ACSM1: variants seen among roughly 807,000 people sequenced by gnomAD.
ACSM1 encodes acyl-coenzyme A synthetase ACSM1, mitochondrial.
Under a neutral mutation model 75.8 loss-of-function variants are expected in ACSM1, and 79 were observed. The ratio of observed to expected loss-of-function variants is 1.04; its 90% CI spans 0.87 to 1.26. The LOEUF (loss-of-function observed/expected upper bound fraction) is 1.26, where lower values mean the gene tolerates loss of function less well. Ranked by LOEUF, ACSM1 falls within the 50% of genes most tolerant of loss-of-function variation. The probability of loss-of-function intolerance (pLI) is 0.00; values close to 1 mark genes in which losing one functional copy is unlikely to be tolerated. For missense variants in ACSM1, 676 were observed against 720.1 expected (o/e 0.94, Z 0.70); for synonymous variants, 279 against 265.8 (o/e 1.05, Z -0.48).
chr16:20,654,673 G>A (rs1386377700), intron 7 of ACSM1, among the ~76,000 whole-genome samples: 1 of 152,190 alleles, frequency 6.6e-6, no homozygotes, highest in Non-Finnish European at 1.5e-5. Flanking sequence ...CTGGCCATCA[G>A]AGAACTGCAA....
chr16:20,686,762 C>A, intron 2 of ACSM1, among the ~76,000 whole-genome samples: 1 of 151,778 alleles, frequency 6.6e-6, no homozygotes, highest in African/African-American at 2.4e-5. Flanking sequence ...AGTGATTGTG[C>A]CACTGCATTC....
intron 4 of ACSM1, among the ~76,000 whole-genome samples, chr16:20,673,003 A>C (rs997242746): frequency 1.3e-4 from 18 of 143,486 alleles, no homozygotes; most frequent in Admixed American, 9.9e-4. Flanking sequence ...AATATATAAA[A>C]TATATACTTA....
At chr16:20,654,278 AC>A (rs1432837336) in intron 7 of ACSM1, among the ~76,000 whole-genome samples, 1 of 152,208 alleles carries the variant, frequency 6.6e-6, no homozygotes, top group Non-Finnish European at 1.5e-5. Context: ...GAAATGTTAG[AC>A]CTAAAACCAT....
intron 4 of ACSM1, 183 bp downstream of exon 4, chr16:20,682,073 A>G (rs1308953464): frequency 1.7e-6 from 1 of 581,984 alleles, no homozygotes; most frequent in East Asian, 3.0e-5. Flanking sequence ...CTCTCACCCC[A>G]TGAAATGCTT....
intron 6 of ACSM1, 105 bp from the exon 7 acceptor site, chr16:20,661,978 G>T (rs1043367881): frequency 1.7e-4 from 110 of 644,524 alleles, no homozygotes; most frequent in African/African-American, 1.6e-3. Flanking sequence ...GAGCCCATTT[G>T]TTAATTTCTT....
At chr16:20,647,559 A>G (rs971993916) in intron 7 of ACSM1, among the ~76,000 whole-genome samples, 6 of 152,218 alleles carry the variant, frequency 3.9e-5, no homozygotes, top group Non-Finnish European at 8.8e-5. Flanking sequence ...GAGTGACTCC[A>G]GTTTGAATAA....
intron 7 of ACSM1, among the ~76,000 whole-genome samples, chr16:20,651,446 C>T (rs1453778111): frequency 6.6e-6 from 1 of 151,742 alleles, no homozygotes; most frequent in Non-Finnish European, 1.5e-5. Context: ...TTGGTCAACA[C>T]AGTGAATCCC....
chr16:20,691,032 T>A lies in ACSM1; in HGVS notation c.157A>T (p.Ser53Cys). The change falls in exon 2 of 14, where the codon AGT becomes TGT. Residue 53 changes from serine to cysteine, a missense_variant. Ser to Cys is a moderately radical substitution (Grantham distance 112). Transcript: ENST00000520010. The part of the protein sequence containing the change: ...YEVPEEFNFA[S>C]YVLDYWAQKE... ...TGAGCCCAGTAGTCCAGTACATAAC[T>A]TGCAAAGTTAAATTCCTCCGGTACT... 1.2e-6 allele frequency: 2 copies of A among 1,613,698 alleles called. No homozygotes were observed. The highest frequency in any genetic ancestry group is 1.7e-6 in the Non-Finnish European group (2 of 1,179,828).
intron 4 of ACSM1, chr16:20,679,751 C>A (rs2079399219): frequency 6.6e-6 from 1 of 152,170 alleles, no homozygotes; most frequent in South Asian, 2.1e-4. Context: ...TACAACCAGA[C>A]CACCTATTCG....
At chr16:20,671,455 A>T in intron 5 of ACSM1, 76 bp downstream of exon 5, 4 of 1,317,368 alleles carry the variant, frequency 3.0e-6, no homozygotes, top group Non-Finnish European at 4.1e-6. Flanking sequence ...ACACACACAC[A>T]CACACACACA....
Position 20,682,391 on chromosome 16 carries a change from G to A in ACSM1, c.476C>T (p.Ala159Val). 1.2e-6 allele frequency: 2 copies of A among 1,613,986 alleles called. No individual in the cohort carries two copies. Among genetic ancestry groups the A allele is most frequent in the African/African-American group, 2.7e-5 (2 of 75,014 alleles). Residue 159 changes from alanine (A) to valine (V), a missense_variant, in exon 4 of 14, where the codon GCC (alanine) becomes GTC (valine). Ala to Val is a moderately conservative substitution (Grantham distance 64). Transcript: ENST00000520010. ...DILYRLQLSK[A>V]KGIVTIDALA... is the part of the protein sequence containing the mutation. ...GGCATCTATGGTCACAATGCCCTTG[G>A]CTTTAGACAACTGTAGTCGATAGAG...
intron 10 of ACSM1, among the ~76,000 whole-genome samples, chr16:20,628,591 A>G (rs765611861): frequency 2.6e-5 from 4 of 152,104 alleles, no homozygotes; most frequent in Non-Finnish European, 5.9e-5. Flanking sequence ...GATTCATCCA[A>G]GTTGCATGCA....
At chr16:20,668,337 A>G (rs1211648313) in intron 6 of ACSM1, among the ~76,000 whole-genome samples, 3 of 152,218 alleles carry the variant, frequency 2.0e-5, no homozygotes, top group Non-Finnish European at 4.4e-5. Context: ...TAAAATACAT[A>G]AAGACCTTTT....
intron 1 of ACSM1, among the ~76,000 whole-genome samples, chr16:20,691,758 T>TC (rs2079655334): frequency 2.6e-5 from 1 of 38,458 alleles, no homozygotes; most frequent in Non-Finnish European, 7.2e-5. Context: ...CCAATGTGTG[T>TC]GTGTGTGTGT....
At chr16:20,626,578 C>T (rs1596776683) in intron 11 of ACSM1, among the ~76,000 whole-genome samples, 2 of 151,686 alleles carry the variant, frequency 1.3e-5, no homozygotes, top group Admixed American at 6.6e-5. Flanking sequence ...CCACTTTCCT[C>T]GTTAGTAAAA....
At chr16:20,684,645 G>A (rs1046868035) in intron 3 of ACSM1, among the ~76,000 whole-genome samples, 3 of 152,136 alleles carry the variant, frequency 2.0e-5, no homozygotes, top group Admixed American at 1.3e-4. Context: ...GAATATTTTG[G>A]ATCTTATCAG....
chr16:20,650,079 G>A (rs1194361784), intron 7 of ACSM1, among the ~76,000 whole-genome samples: 1 of 152,128 alleles, frequency 6.6e-6, no homozygotes, highest in African/African-American at 2.4e-5. Flanking sequence ...GGTGGAACTG[G>A]TAAGTCCTCC....
Position 20,694,159 on chromosome 16 carries a change from C to T in ACSM1, c.-51-2920G>A, listed in dbSNP as rs78579222. Among the ~76,000 whole-genome samples, 31 of 152,334 alleles carry T rather than the reference C, an allele frequency of 2.0e-4. 1 individual carries two copies. The East Asian group carries it at 5.0e-3, about 25-fold the overall frequency. ...TCCTCTTTCCTTTGTTCTCCTCTACCTTTGCCTCTTTAAAAAAGTTCTAAG... is the reference window on the plus strand; with the variant it reads ...TCCTCTTTCCTTTGTTCTCCTCTACTTTTGCCTCTTTAAAAAAGTTCTAAG... On this transcript the variant is annotated intron_variant, in intron 1 of 13. Coordinates refer to ENST00000520010, the MANE Select transcript of ACSM1 (RefSeq NM_001318890.3).
At chr16:20,670,518 A>G (rs1251480886) in intron 5 of ACSM1, among the ~76,000 whole-genome samples, 1 of 152,154 alleles carries the variant, frequency 6.6e-6, no homozygotes, top group Non-Finnish European at 1.5e-5. Flanking sequence ...CAAAATACAA[A>G]TTTGATCAGA....
Sources: gnomAD v4.1 joint callset for allele counts (sites outside exome capture counted in the v4.1 genomes callset) on GRCh38, gnomAD v4.1.1 for gene constraint, MANE v1.5 for transcripts, NCBI Gene and HGNC (gene_info 2026-07-23, HGNC 2026-07-21) for gene names.